RNF214: variants seen among roughly 807,000 people sequenced by gnomAD.
The protein encoded by RNF214 is ring finger protein 214.
In RNF214, 25 loss-of-function variants were observed where a neutral mutation model predicts 75.9. That is an observed-to-expected ratio of 0.33 (90% CI 0.24 to 0.46). The LOEUF is 0.46. Among genes scored for constraint, RNF214 ranks in the 20% least tolerant of loss-of-function variants. The pLI is 1.00. For missense variants in RNF214, 725 were observed against 857.5 expected (o/e 0.85, Z 1.93); for synonymous variants, 314 against 308.8 (o/e 1.02, Z -0.18).
chr11:117,256,128 C>G (rs1385704985), intron 6 of RNF214, among the ~76,000 whole-genome samples: 1 of 152,264 alleles, frequency 6.6e-6, no homozygotes, highest in South Asian at 2.1e-4. Context: ...GACACTCTCC[C>G]TCCCTCCCCT....
intron 6 of RNF214, among the ~76,000 whole-genome samples, chr11:117,277,269 G>C (rs1450026652): frequency 2.6e-5 from 4 of 152,116 alleles, no homozygotes; most frequent in Non-Finnish European, 5.9e-5. Flanking sequence ...CCTGAACCTG[G>C]GGGGTGGAGG....
At chr11:117,254,978 C>A (rs559879629) in intron 6 of RNF214, among the ~76,000 whole-genome samples, 2 of 152,214 alleles carry the variant, frequency 1.3e-5, no homozygotes, top group East Asian at 3.9e-4. Flanking sequence ...GAAAATCACA[C>A]AACTGTGTGT....
intron 6 of RNF214, among the ~76,000 whole-genome samples, chr11:117,270,632 C>T (rs1305046698): frequency 6.6e-6 from 1 of 151,064 alleles, no homozygotes; most frequent in Non-Finnish European, 1.5e-5. Context: ...ATTTTTAGTA[C>T]AGACAGGGTT....
intron 6 of RNF214, among the ~76,000 whole-genome samples, chr11:117,264,991 C>T (rs868658702): frequency 9.9e-5 from 15 of 151,728 alleles, no homozygotes; most frequent in South Asian, 4.2e-4. Context: ...TTGCTTAAAC[C>T]CAGGAGGCGG....
intron 5 of RNF214, among the ~76,000 whole-genome samples, chr11:117,245,241 C>T (rs1258643641): frequency 1.3e-5 from 2 of 150,146 alleles, no homozygotes; most frequent in African/African-American, 4.9e-5. Flanking sequence ...ATCGCTTAAA[C>T]CCAGGAGGCA....
chr11:117,239,907 A>C (rs755017602), intron 4 of RNF214, 47 bp downstream of exon 4: 1 of 1,024,886 alleles, frequency 9.8e-7, no homozygotes, highest in Non-Finnish European at 1.5e-6. Flanking sequence ...TATCAAATAG[A>C]AGATCTAGAG....
chr11:117,263,233 A>C (rs1024959472), intron 6 of RNF214, among the ~76,000 whole-genome samples: 1 of 151,846 alleles, frequency 6.6e-6, no homozygotes, highest in Non-Finnish European at 1.5e-5. Context: ...TAAGTTCTTT[A>C]GCTGGGTCAT....
At chr11:117,271,091 G>T (rs1052218404) in intron 6 of RNF214, among the ~76,000 whole-genome samples, 1 of 151,724 alleles carries the variant, frequency 6.6e-6, no homozygotes, top group African/African-American at 2.4e-5. Flanking sequence ...GTAGAGACAG[G>T]TTTTTGCCAT....
At position 117,239,117 on chromosome 11, in the gene RNF214, G is replaced by A. The variant is rs1234494684; in HGVS notation, c.618+6G>A. ...CTCAGAACATTGCTGTACAGGTCAAGTGTCAAGTTTCTACTACTAAAATGT... is the reference window on the plus strand; with the variant it reads ...CTCAGAACATTGCTGTACAGGTCAAATGTCAAGTTTCTACTACTAAAATGT... On this transcript the variant is annotated splice_donor_region_variant and intron_variant, in intron 3 of 14. Transcript: ENST00000300650. 1.3e-6 allele frequency: 2 copies of A among 1,590,160 alleles called. No homozygotes were observed. Among genetic ancestry groups the A allele is most frequent in the East Asian group, 2.2e-5 (1 of 44,582 alleles).
intron 6 of RNF214, among the ~76,000 whole-genome samples, chr11:117,270,701 G>C (rs976224712): frequency 6.6e-6 from 1 of 152,106 alleles, no homozygotes; most frequent in Non-Finnish European, 1.5e-5. Flanking sequence ...ACCCGCCTTG[G>C]CCTCCCAAAG....
At chr11:117,258,620 C>T (rs2033584131) in intron 6 of RNF214, among the ~76,000 whole-genome samples, 1 of 151,440 alleles carries the variant, frequency 6.6e-6, no homozygotes, top group South Asian at 2.1e-4. Context: ...TTAGCAAGTC[C>T]ACTGGTTGAA....
At chr11:117,264,672 A>G (rs1452516225) in intron 6 of RNF214, among the ~76,000 whole-genome samples, 3 of 152,122 alleles carry the variant, frequency 2.0e-5, no homozygotes, top group East Asian at 1.9e-4. Context: ...TGATATTGCT[A>G]TAGACACTGC....
At position 117,282,859 on chromosome 11, in the gene RNF214, C is replaced by A. The variant is rs1351182846; in HGVS notation, c.1950+9C>A. ...CTGGAAGGTCTTCACATGTAAGACT[C>A]TTTTTCTTTGAACACTGTGATATGG... On this transcript the variant is annotated intron_variant, in intron 13 of 14. Transcript: ENST00000300650. The A allele has an allele frequency of 6.3e-7, 1 of 1,595,170 alleles. No homozygotes were observed. Among genetic ancestry groups the A allele is most frequent in the Admixed American group, 1.7e-5 (1 of 59,998 alleles).
chr11:117,274,422 G>T (rs2033971353), intron 6 of RNF214, among the ~76,000 whole-genome samples: 1 of 141,332 alleles, frequency 7.1e-6, no homozygotes, highest in Non-Finnish European at 1.5e-5. Context: ...GAGTGCAATG[G>T]CACAATCTTG....
intron 5 of RNF214, among the ~76,000 whole-genome samples, chr11:117,245,236 T>C (rs1179568591): frequency 6.6e-6 from 1 of 150,768 alleles, no homozygotes; most frequent in Non-Finnish European, 1.5e-5. Context: ...GGAGGATCGC[T>C]TAAACCCAGG....
chr11:117,256,031 G>A (rs566337867), intron 6 of RNF214, among the ~76,000 whole-genome samples: 9 of 151,926 alleles, frequency 5.9e-5, no homozygotes, highest in East Asian at 1.9e-4. Flanking sequence ...CCACACAACC[G>A]TGCTGGTTTA....
intron 6 of RNF214, among the ~76,000 whole-genome samples, chr11:117,267,970 A>G (rs1185831876): frequency 6.6e-6 from 1 of 152,202 alleles, no homozygotes; most frequent in Admixed American, 6.5e-5. Context: ...ATCAGATGTG[A>G]TGCACATCAC....
intron 6 of RNF214, among the ~76,000 whole-genome samples, chr11:117,251,472 G>A (rs868842533): frequency 2.1e-4 from 16 of 74,696 alleles, no homozygotes; most frequent in East Asian, 6.0e-4. Context: ...CTGGCCGGGC[G>A]GGGGGCTGAC....
chr11:117,241,990 C>T (rs1009873291), intron 4 of RNF214, among the ~76,000 whole-genome samples: 2 of 152,176 alleles, frequency 1.3e-5, no homozygotes, highest in African/African-American at 4.8e-5. Flanking sequence ...GCAGTTTTTT[C>T]ATACTGTTAA....
Sources: gnomAD v4.1 joint callset for allele counts (sites outside exome capture counted in the v4.1 genomes callset) on GRCh38, gnomAD v4.1.1 for gene constraint, MANE v1.5 for transcripts, NCBI Gene and HGNC (gene_info 2026-07-23, HGNC 2026-07-21) for gene names.